The following ATG10 variants were observed in gnomAD, a reference collection of about 807,000 sequenced individuals.
ATG10 encodes the protein autophagy related 10.
Under a neutral mutation model 32.1 loss-of-function variants are expected in ATG10, and 30 were observed. The observed-to-expected ratio is 0.94, with a 90% CI of 0.70 to 1.27. ATG10 has a LOEUF of 1.27. Among genes scored for constraint, ATG10 ranks in the 50% most tolerant of loss-of-function variants. The pLI, the probability that ATG10 is intolerant of heterozygous loss-of-function variation, is 0.00. For missense variants in ATG10, 233 were observed against 262.3 expected (o/e 0.89, Z 0.77); for synonymous variants, 87 against 91.5 (o/e 0.95, Z 0.28).
At chr5:82,098,663 A>G (rs1396276028) in intron 3 of ATG10, among the ~76,000 whole-genome samples, 3 of 152,198 alleles carry the variant, frequency 2.0e-5, no homozygotes, top group Non-Finnish European at 4.4e-5. Context: ...ATAGACTTCC[A>G]TACTTGATTT....
intron 3 of ATG10, among the ~76,000 whole-genome samples, chr5:82,155,408 A>G (rs574582458): frequency 6.6e-6 from 1 of 152,364 alleles, no homozygotes; most frequent in East Asian, 1.9e-4. Flanking sequence ...CCTTAAAATT[A>G]GGATTTTCAG....
intron 2 of ATG10, among the ~76,000 whole-genome samples, chr5:82,029,944 G>C (rs527940922): frequency 2.5e-4 from 38 of 152,238 alleles, no homozygotes; most frequent in African/African-American, 8.9e-4. Flanking sequence ...TTATAGATGA[G>C]GAAACTAAGG....
intron 3 of ATG10, among the ~76,000 whole-genome samples, chr5:82,082,508 C>T (rs1355748593): frequency 1.3e-5 from 2 of 152,230 alleles, no homozygotes; most frequent in East Asian, 1.9e-4. Context: ...ATTTTAAAGA[C>T]CCTCTTGAGA....
At chr5:81,974,497 T>C (rs1760815097) in intron 1 of ATG10, among the ~76,000 whole-genome samples, 1 of 152,242 alleles carries the variant, frequency 6.6e-6, no homozygotes, top group Non-Finnish European at 1.5e-5. Context: ...CACTGTCATG[T>C]AACATCTTTC....
At chr5:82,088,038 ATGGT>A (rs1764749698) in intron 3 of ATG10, among the ~76,000 whole-genome samples, 1 of 152,170 alleles carries the variant, frequency 6.6e-6, no homozygotes, top group Non-Finnish European at 1.5e-5. Context: ...AAGAAAGAAA[ATGGT>A]TGGTGTTGAC....
intron 5 of ATG10, among the ~76,000 whole-genome samples, chr5:82,218,547 A>C (rs1745790354): frequency 6.6e-6 from 1 of 152,028 alleles, no homozygotes; most frequent in East Asian, 1.9e-4. Flanking sequence ...ATCTCCATTT[A>C]CTAGCCAGAT....
intron 3 of ATG10, among the ~76,000 whole-genome samples, chr5:82,079,028 C>G (rs778404606): frequency 5.9e-5 from 9 of 152,110 alleles, no homozygotes; most frequent in Non-Finnish European, 1.3e-4. Flanking sequence ...CTTGTTTAGC[C>G]CTCTTTTCTG....
In ATG10 at chr5:82,204,098, C is replaced by T. The variant is rs556180659; in HGVS notation, c.453+25511C>T. 3.9e-5 allele frequency among the ~76,000 whole-genome samples: 6 copies of T among 152,240 alleles called. No individual in the cohort carries two copies. In the South Asian group the frequency reaches 8.3e-4, roughly 21 times the overall value. ...AAAACATGGAAGAGGATAGGGAGAA[C>T]ACCATAAGGGTAAAAGTGACAATTT... On this transcript the variant is annotated intron_variant, in intron 5 of 7. Coordinates refer to ENST00000282185, the MANE Select transcript of ATG10 (RefSeq NM_031482.5).
intron 3 of ATG10, among the ~76,000 whole-genome samples, chr5:82,119,890 G>T (rs1765975752): frequency 6.6e-6 from 1 of 151,882 alleles, no homozygotes; most frequent in Non-Finnish European, 1.5e-5. Flanking sequence ...CAGCAAGAAA[G>T]AACTAAAAAA....
chr5:81,991,028 A>T (rs1231908141), intron 2 of ATG10, among the ~76,000 whole-genome samples: 7 of 152,248 alleles, frequency 4.6e-5, no homozygotes, highest in African/African-American at 1.4e-4. Context: ...TCTGTCTGGT[A>T]TGACTGTGGT....
intron 3 of ATG10, among the ~76,000 whole-genome samples, chr5:82,141,745 A>G (rs1767153669): frequency 6.6e-6 from 1 of 151,834 alleles, no homozygotes; most frequent in African/African-American, 2.4e-5. Flanking sequence ...TTTTTGTCTT[A>G]AGGCTCATTC....
Position 82,252,328 on chromosome 5 carries a change from G to A in ATG10, c.454-234G>A, listed in dbSNP as rs1019765877. Among the ~76,000 whole-genome samples, 6 of 152,180 alleles carry A rather than the reference G, an allele frequency of 3.9e-5. 1 individual carries two copies. The highest frequency in any genetic ancestry group is 1.2e-4 in the African/African-American group (5 of 41,436). On this transcript the variant is annotated intron_variant, in intron 5 of 7. Transcript: ENST00000282185. Reference sequence around the variant, plus strand: ...CAGTTTATATTGTGTAAACAAAAATGGGTGCCCTGCTATACTCGACCATAC... The same window carrying A: ...CAGTTTATATTGTGTAAACAAAAATAGGTGCCCTGCTATACTCGACCATAC...
At chr5:82,169,664 C>A (rs1275688881) in intron 4 of ATG10, among the ~76,000 whole-genome samples, 1 of 152,030 alleles carries the variant, frequency 6.6e-6, no homozygotes, top group Non-Finnish European at 1.5e-5. Context: ...ATTTATGTTA[C>A]ACATATGTTT....
chr5:82,233,327 G>A (rs761848664), intron 5 of ATG10, among the ~76,000 whole-genome samples: 2 of 152,102 alleles, frequency 1.3e-5, no homozygotes, highest in African/African-American at 2.4e-5. Context: ...CTAACGAATT[G>A]CCCTTTCAAC....
chr5:82,125,017 G>C (rs1331526931), intron 3 of ATG10, among the ~76,000 whole-genome samples: 1 of 152,100 alleles, frequency 6.6e-6, no homozygotes, highest in East Asian at 1.9e-4. Context: ...TTGTGATTTT[G>C]ATTTGCATTT....
intron 3 of ATG10, among the ~76,000 whole-genome samples, chr5:82,118,035 A>G (rs1398145717): frequency 2.0e-5 from 3 of 152,038 alleles, no homozygotes; most frequent in Admixed American, 6.6e-5. Flanking sequence ...GTATTGAGCA[A>G]GACAATAATG....
intron 2 of ATG10, among the ~76,000 whole-genome samples, chr5:82,018,914 A>C (rs1762364318): frequency 6.6e-6 from 1 of 152,124 alleles, no homozygotes; most frequent in Admixed American, 6.6e-5. Context: ...TATTTAATGT[A>C]CTTATTTATT....
chr5:82,051,372 C>G (rs1763419351), intron 2 of ATG10, among the ~76,000 whole-genome samples: 1 of 152,090 alleles, frequency 6.6e-6, no homozygotes, highest in Non-Finnish European at 1.5e-5. Flanking sequence ...CCAAGAAGTT[C>G]TGAGGTATGG....
At chr5:82,010,020 A>T in intron 2 of ATG10, 14 of 1,609,668 alleles carry the variant, frequency 8.7e-6, no homozygotes, top group Non-Finnish European at 1.2e-5. Flanking sequence ...CTTGTCAGCT[A>T]ACAGCTCAAA....
Sources: gnomAD v4.1 joint callset for allele counts (sites outside exome capture counted in the v4.1 genomes callset) on GRCh38, gnomAD v4.1.1 for gene constraint, MANE v1.5 for transcripts, NCBI Gene and HGNC (gene_info 2026-07-23, HGNC 2026-07-21) for gene names.